Variants in ZRANB3 observed in about 807,000 individuals in gnomAD.
The protein encoded by ZRANB3 is DNA annealing helicase and endonuclease ZRANB3.
In ZRANB3, 125 loss-of-function variants were observed where a neutral mutation model predicts 133.8. The ratio of observed to expected loss-of-function variants is 0.93; its 90% CI spans 0.81 to 1.08. The LOEUF (loss-of-function observed/expected upper bound fraction) is 1.08. Among genes scored for constraint, ZRANB3 ranks in the 50% least tolerant of loss-of-function variants. The pLI is 0.00. For missense variants in ZRANB3, 1,229 were observed against 1,275.5 expected, an observed-to-expected ratio of 0.96 and a Z score of 0.56; for synonymous variants, 387 against 432.7, an observed-to-expected ratio of 0.89 and a Z score of 1.31.
At chr2:135,420,093 A>ATATC (rs1434647436) in intron 2 of ZRANB3, among the ~76,000 whole-genome samples, 2 of 74,460 alleles carry the variant, frequency 2.7e-5, no homozygotes, top group African/African-American at 1.4e-4. Context: ...TCTTAGATTT[A>ATATC]TATATATATA....
At chr2:135,302,017 T>A (rs1200771793) in intron 8 of ZRANB3, among the ~76,000 whole-genome samples, 1 of 152,246 alleles carries the variant, frequency 6.6e-6, no homozygotes, top group Non-Finnish European at 1.5e-5. Flanking sequence ...AATCAAATTA[T>A]AATCTATGCT....
At chr2:135,461,307 C>T (rs189762268) in intron 2 of ZRANB3, among the ~76,000 whole-genome samples, 21 of 152,202 alleles carry the variant, frequency 1.4e-4, no homozygotes, top group Non-Finnish European at 2.5e-4. Flanking sequence ...CGGTGGCTCA[C>T]GCCTGTAATC....
intron 2 of ZRANB3, among the ~76,000 whole-genome samples, chr2:135,421,965 C>A (rs1361258956): frequency 1.4e-5 from 2 of 147,334 alleles, no homozygotes; most frequent in African/African-American, 5.0e-5. Flanking sequence ...CATCTCTCTA[C>A]AATTTACACA....
At chr2:135,291,438 C>T (rs1296536942) in intron 8 of ZRANB3, among the ~76,000 whole-genome samples, 1 of 152,140 alleles carries the variant, frequency 6.6e-6, no homozygotes, top group Non-Finnish European at 1.5e-5. Context: ...CCCCCTCGGC[C>T]TCCCAAAGTG....
At chr2:135,364,134 G>C (rs1207397326) in intron 3 of ZRANB3, among the ~76,000 whole-genome samples, 1 of 151,806 alleles carries the variant, frequency 6.6e-6, no homozygotes, top group Non-Finnish European at 1.5e-5. Context: ...GGGAAGGAAG[G>C]AGGGAGGGAA....
At chr2:135,409,829 T>A (rs1688222265) in intron 2 of ZRANB3, among the ~76,000 whole-genome samples, 1 of 152,104 alleles carries the variant, frequency 6.6e-6, no homozygotes, top group African/African-American at 2.4e-5. Context: ...TATACACCAA[T>A]AATGTTCAAG....
At chr2:135,339,847 C>T (rs1684553012) in intron 6 of ZRANB3, among the ~76,000 whole-genome samples, 2 of 152,054 alleles carry the variant, frequency 1.3e-5, no homozygotes, top group Admixed American at 6.6e-5. Context: ...TGAAATTAGC[C>T]TTCTCTTTAA....
At chr2:135,291,691 C>A (rs539921617) in intron 8 of ZRANB3, among the ~76,000 whole-genome samples, 117 of 151,790 alleles carry the variant, frequency 7.7e-4, no homozygotes, top group African/African-American at 2.6e-3. Flanking sequence ...GTGTGCTGCA[C>A]CCATTAACTC....
chr2:135,257,643 T>C (rs1679727010), intron 12 of ZRANB3, among the ~76,000 whole-genome samples: 1 of 152,250 alleles, frequency 6.6e-6, no homozygotes, highest in African/African-American at 2.4e-5. Context: ...AATCTCATTG[T>C]GGTTTTGACT....
chr2:135,219,743 A>G (rs1466610134), intron 15 of ZRANB3, among the ~76,000 whole-genome samples: 1 of 152,246 alleles, frequency 6.6e-6, no homozygotes, highest in Non-Finnish European at 1.5e-5. Flanking sequence ...GAAATTACTT[A>G]AAAATTGGCT....
chr2:135,420,512 G>A (rs1278058164), intron 2 of ZRANB3, among the ~76,000 whole-genome samples: 1 of 152,016 alleles, frequency 6.6e-6, no homozygotes, highest in African/African-American at 2.4e-5. Context: ...CCATATAAAA[G>A]AATAGGTTGT....
chr2:135,393,972 C>T (rs576610687), intron 2 of ZRANB3, among the ~76,000 whole-genome samples: 1 of 152,224 alleles, frequency 6.6e-6, no homozygotes, highest in East Asian at 1.9e-4. Flanking sequence ...ATTCTCCTGC[C>T]TCAGCCTCTC....
rs1159434405 is a variant in ZRANB3 at position 135,443,917 on chromosome 2, T to C, written c.162-53097A>G. On this transcript the variant is annotated intron_variant, in intron 2 of 20. Coordinates refer to ENST00000264159, the MANE Select transcript of ZRANB3 (RefSeq NM_032143.4). ...ATAAAAGCTATGTAAGAAGAATATA[T>C]AAAGAATTCTTTAATAAGAAGACAG... is the stretch of plus-strand genomic sequence containing the variant. 2.0e-5 allele frequency among the ~76,000 whole-genome samples: 3 copies of C among 152,224 alleles called. No individual in the cohort carries two copies. In the East Asian group the frequency reaches 5.8e-4, roughly 29 times the overall value.
At chr2:135,352,151 G>T (rs1685235316) in intron 4 of ZRANB3, among the ~76,000 whole-genome samples, 1 of 151,894 alleles carries the variant, frequency 6.6e-6, no homozygotes, top group Non-Finnish European at 1.5e-5. Context: ...GACCAACATG[G>T]TGAAACCCCA....
chr2:135,259,772 A>C (rs1411680513), intron 12 of ZRANB3, among the ~76,000 whole-genome samples: 2 of 151,478 alleles, frequency 1.3e-5, no homozygotes, highest in Admixed American at 1.3e-4. Flanking sequence ...ACTAAATTAG[A>C]GTCCTTTTTT....
In ZRANB3 at chr2:135,265,570, A is replaced by G; in HGVS notation, c.1503T>C (p.Ser501=). ...AAGCTTCCTTCCTTAACTCTTCAGA[A>G]CTGTCATTTGGAGTCCAAGCTTCAG... The part of the protein sequence containing the change: ...QFAEAWTPND[S]SEELRKEALF... The change falls in exon 12 of 21, where the codon AGT becomes AGC. Residue 501 remains serine (S), a synonymous_variant. Transcript: ENST00000264159. The G allele has an allele frequency of 6.2e-7, 1 of 1,613,716 alleles. No homozygotes were observed. The highest frequency in any genetic ancestry group is 8.5e-7 in the Non-Finnish European group (1 of 1,179,778).
chr2:135,386,988 TAA>T (rs530231165), intron 3 of ZRANB3, among the ~76,000 whole-genome samples: 5 of 126,212 alleles, frequency 4.0e-5, no homozygotes, highest in Non-Finnish European at 5.2e-5. Flanking sequence ...CTTAAAGAAT[TAA>T]AAAAAAAAAA....
At chr2:135,297,303 C>A (rs960670515) in intron 8 of ZRANB3, among the ~76,000 whole-genome samples, 26 of 152,232 alleles carry the variant, frequency 1.7e-4, no homozygotes, top group African/African-American at 6.0e-4. Context: ...AGCCTCGCTG[C>A]CACCTTGCAG....
At chr2:135,455,952 T>C (rs1030279959) in intron 2 of ZRANB3, among the ~76,000 whole-genome samples, 22 of 152,172 alleles carry the variant, frequency 1.4e-4, no homozygotes, top group African/African-American at 5.1e-4. Context: ...TTATTGTTTA[T>C]GGATAAAATA....
Sources: allele counts gnomAD v4.1 joint callset (sites outside exome capture counted in the v4.1 genomes callset), GRCh38; gene constraint gnomAD v4.1.1; transcripts MANE v1.5; gene names NCBI Gene and HGNC (gene_info 2026-07-23, HGNC 2026-07-21).